The following BANK1 variants were observed in gnomAD, a reference collection of about 807,000 sequenced individuals.
BANK1 encodes B cell scaffold protein with ankyrin repeats 1, also known as B-cell scaffold protein with ankyrin repeats.
BANK1 carries 95 observed loss-of-function variants against 94.5 expected under a neutral mutation model. The observed-to-expected ratio is 1.00, with a 90% CI of 0.85 to 1.19. The LOEUF is 1.19. Among genes scored for constraint, BANK1 ranks in the 50% most tolerant of loss-of-function variants. The probability of loss-of-function intolerance (pLI) is 0.00; values close to 1 mark genes in which losing one functional copy is unlikely to be tolerated. For synonymous variants in BANK1, 334 were observed against 308.4 expected (o/e 1.08, Z -0.87); for missense variants, 987 against 932.2 (o/e 1.06, Z -0.77).
chr4:101,790,921 AC>A lies in BANK1; in HGVS notation c.45del (p.Ala16ProfsTer14). On this transcript the variant is annotated frameshift_variant, in exon 1 of 17. Transcript: ENST00000322953. LOFTEE classifies it high-confidence loss of function. Reference protein sequence around the residue: ...AAPGKGLGSPDPAPCGPAPPG... With the variant: ...AAPGKGLGSPXPAPCGPAPPG... ...CCAGGCAAGGGGCTTGGGAGCCCGG[AC>A]CCCGCCCCCTGCGGCCCAGCGCCCC... 1 of 1,533,084 alleles carries A rather than the reference AC, an allele frequency of 6.5e-7. No homozygotes were observed. Among genetic ancestry groups the A allele is most frequent in the East Asian group, 2.4e-5 (1 of 40,888 alleles). The allele number at this position is 1,533,084 out of a possible 1,614,324, so 95.0% of individuals were successfully genotyped here.
At chr4:101,908,826 T>C (rs935366361) in intron 6 of BANK1, among the ~76,000 whole-genome samples, 4 of 152,236 alleles carry the variant, frequency 2.6e-5, no homozygotes, top group Non-Finnish European at 5.9e-5. Flanking sequence ...TCACTGGCCA[T>C]CAGAGAAATT....
intron 6 of BANK1, among the ~76,000 whole-genome samples, chr4:101,900,044 A>G (rs1451188072): frequency 6.6e-6 from 1 of 152,196 alleles, no homozygotes; most frequent in Non-Finnish European, 1.5e-5. Flanking sequence ...TTCTGAAATA[A>G]TAGAGGACCC....
intron 2 of BANK1, among the ~76,000 whole-genome samples, chr4:101,844,866 T>A (rs1727187048): frequency 6.6e-6 from 1 of 152,134 alleles, no homozygotes. Flanking sequence ...AATAGAGTGA[T>A]CCTCAAGGAA....
chr4:102,029,696 G>A (rs888951332), intron 9 of BANK1, among the ~76,000 whole-genome samples: 3 of 151,424 alleles, frequency 2.0e-5, no homozygotes, highest in Admixed American at 1.3e-4. Context: ...TAAGCACATG[G>A]ATTTTTTTAC....
chr4:102,033,916 A>G (rs1380379921), intron 10 of BANK1, among the ~76,000 whole-genome samples: 2 of 151,868 alleles, frequency 1.3e-5, no homozygotes, highest in African/African-American at 4.8e-5. Context: ...TTTTTCTTTT[A>G]TGCAATTGAT....
intron 7 of BANK1, among the ~76,000 whole-genome samples, chr4:101,960,581 G>C (rs1341144439): frequency 6.6e-6 from 1 of 152,036 alleles, no homozygotes; most frequent in Non-Finnish European, 1.5e-5. Context: ...TTAGTAGCGG[G>C]CAAGCAGAAG....
chr4:101,984,741 C>T (rs1471499478), intron 7 of BANK1, among the ~76,000 whole-genome samples: 2 of 151,912 alleles, frequency 1.3e-5, no homozygotes, highest in Non-Finnish European at 2.9e-5. Context: ...TCTCAGAGAC[C>T]TTTCAAAACA....
At chr4:102,063,220 A>G in intron 13 of BANK1, 82 bp downstream of exon 13, 1 of 1,256,904 alleles carries the variant, frequency 8.0e-7, no homozygotes, top group Non-Finnish European at 1.1e-6. Context: ...ATTGGGCCTG[A>G]GTTCAAATCT....
intron 11 of BANK1, among the ~76,000 whole-genome samples, chr4:102,055,551 C>T (rs946750584): frequency 6.6e-6 from 1 of 151,922 alleles, no homozygotes; most frequent in Non-Finnish European, 1.5e-5. Context: ...ATACTTTCTC[C>T]ATTATTTTTA....
intron 1 of BANK1, chr4:101,813,922 G>T (rs78381739): frequency 1.0e-6 from 1 of 984,210 alleles, no homozygotes; most frequent in African/African-American, 1.7e-5. Flanking sequence ...TAGAAATTCA[G>T]CCTATTCTTT....
chr4:101,899,626 CA>C (rs1722206520), intron 6 of BANK1, among the ~76,000 whole-genome samples: 1 of 152,008 alleles, frequency 6.6e-6, no homozygotes, highest in African/African-American at 2.4e-5. Context: ...TATATTTCCC[CA>C]GATGTGAATT....
chr4:101,976,839 A>G (rs1725150091), intron 7 of BANK1: 1 of 152,184 alleles, frequency 6.6e-6, no homozygotes, highest in South Asian at 2.1e-4. Context: ...ATTTAAAAGT[A>G]TCAGAGATTT....
At chr4:101,796,122 G>A (rs1399013421) in intron 1 of BANK1, among the ~76,000 whole-genome samples, 1 of 152,184 alleles carries the variant, frequency 6.6e-6, no homozygotes, top group African/African-American at 2.4e-5. Flanking sequence ...ACAGTTAGTT[G>A]CCTCATGTTT....
At chr4:101,812,143 A>G (rs2148854847) in intron 1 of BANK1, among the ~76,000 whole-genome samples, 1 of 152,108 alleles carries the variant, frequency 6.6e-6, no homozygotes, top group Non-Finnish European at 1.5e-5. Context: ...GATGTGTGAG[A>G]ACTAAAAAAT....
At chr4:101,853,801 G>A (rs1016761342) in intron 2 of BANK1, among the ~76,000 whole-genome samples, 28 of 152,112 alleles carry the variant, frequency 1.8e-4, no homozygotes, top group African/African-American at 5.6e-4. Context: ...CAAACTAGGA[G>A]GAGTGGATCA....
At chr4:101,895,181 A>T (rs1452585118) in intron 5 of BANK1, 124 bp from the exon 6 acceptor site, 1 of 500,742 alleles carries the variant, frequency 2.0e-6, no homozygotes, top group African/African-American at 2.0e-5. Flanking sequence ...CTAAAAAGTT[A>T]TCAGTATTAC....
intron 7 of BANK1, among the ~76,000 whole-genome samples, chr4:102,016,192 T>A (rs1224084916): frequency 6.6e-6 from 1 of 152,234 alleles, no homozygotes; most frequent in East Asian, 1.9e-4. Context: ...GATTGCATGT[T>A]TCTATCTTAT....
At chr4:101,885,395 G>C (rs1303351194) in intron 5 of BANK1, among the ~76,000 whole-genome samples, 1 of 152,066 alleles carries the variant, frequency 6.6e-6, no homozygotes, top group Non-Finnish European at 1.5e-5. Flanking sequence ...TGCATTCCAG[G>C]CACAGTTGTC....
intron 5 of BANK1, among the ~76,000 whole-genome samples, chr4:101,876,490 A>G (rs1728495357): frequency 6.6e-6 from 1 of 152,168 alleles, no homozygotes; most frequent in Non-Finnish European, 1.5e-5. Flanking sequence ...CTACAATGTT[A>G]CTAGGCTTAG....
Sources: allele counts gnomAD v4.1 joint callset (sites outside exome capture counted in the v4.1 genomes callset), GRCh38; gene constraint gnomAD v4.1.1; transcripts MANE v1.5; gene names NCBI Gene and HGNC (gene_info 2026-07-23, HGNC 2026-07-21).